JAG2: variants seen among roughly 807,000 people sequenced by gnomAD.
JAG2 encodes jagged canonical Notch ligand 2, also known as protein jagged-2.
JAG2 carries 46 observed loss-of-function variants against 141.7 expected under a neutral mutation model. The observed-to-expected ratio is 0.32, with a 90% CI of 0.26 to 0.42. The LOEUF (loss-of-function observed/expected upper bound fraction) is 0.42. Among genes scored for constraint, JAG2 ranks in the 10% least tolerant of loss-of-function variants. The probability of loss-of-function intolerance (pLI) is 1.00; values close to 1 mark genes in which losing one functional copy is unlikely to be tolerated. For synonymous variants in JAG2, 862 were observed against 763.5 expected (o/e 1.13, Z -2.13); for missense variants, 1,500 against 1,817.5 (o/e 0.83, Z 3.18).
intron 22 of JAG2, 24 bp downstream of exon 22, chr14:105,146,361 G>A (rs1373863994): frequency 1.1e-5 from 17 of 1,592,750 alleles, no homozygotes; most frequent in Non-Finnish European, 1.5e-5. Flanking sequence ...GGGTAGGGCA[G>A]GGCGGCTCAC....
At chr14:105,151,779 C>T (rs1352890486) in intron 7 of JAG2, 40 bp from the exon 8 acceptor site, 1 of 1,597,812 alleles carries the variant, frequency 6.3e-7, no homozygotes, top group Non-Finnish European at 8.6e-7. Context: ...GGCAGCCAGG[C>T]CCCCAGCTTT....
intron 2 of JAG2, among the ~76,000 whole-genome samples, chr14:105,166,644 C>A (rs1595192655): frequency 6.6e-6 from 1 of 152,326 alleles, no homozygotes; most frequent in African/African-American, 2.4e-5. Flanking sequence ...CCAGCCAGGG[C>A]TGCAAAGGTA....
intron 2 of JAG2, among the ~76,000 whole-genome samples, chr14:105,163,573 G>C (rs1043625303): frequency 1.4e-5 from 2 of 145,024 alleles, no homozygotes; most frequent in African/African-American, 5.5e-5. Flanking sequence ...TGGGGACAGG[G>C]ACTCCGCTCA....
intron 2 of JAG2, among the ~76,000 whole-genome samples, chr14:105,165,099 G>A (rs766103572): frequency 6.6e-6 from 1 of 152,194 alleles, no homozygotes; most frequent in Non-Finnish European, 1.5e-5. Context: ...CAGGCTCCTG[G>A]GCTCCTGGCT....
chr14:105,166,431 G>A (rs1383953312), intron 2 of JAG2, among the ~76,000 whole-genome samples: 1 of 152,256 alleles, frequency 6.6e-6, no homozygotes, highest in African/African-American at 2.4e-5. Context: ...GAGGGGCTGG[G>A]CTTCTCACAA....
rs139256088 is a variant in JAG2, at chr14:105,164,320, C to A, written c.417+3437G>T. Among the ~76,000 whole-genome samples the A allele has an allele frequency of 2.4e-4, 37 of 152,286 alleles. No individual in the cohort carries two copies. In the East Asian group the frequency reaches 6.6e-3, roughly 27 times the overall value. ...ACCCCCAATGTACAAGGCGGACATGCCCTGAGTTCTCCCCAGGGCTCTGGG... is the reference window on the plus strand; with the variant it reads ...ACCCCCAATGTACAAGGCGGACATGACCTGAGTTCTCCCCAGGGCTCTGGG... On this transcript the variant is annotated intron_variant, in intron 2 of 25. Coordinates refer to ENST00000331782, the MANE Select transcript of JAG2 (RefSeq NM_002226.5).
chr14:105,147,679 G>A (rs1429784310), intron 18 of JAG2, 93 bp downstream of exon 18: 1 of 1,095,206 alleles, frequency 9.1e-7, no homozygotes, highest in Non-Finnish European at 1.4e-6. Flanking sequence ...GCAGGGGGAG[G>A]GGCTGGCAGA....
intron 6 of JAG2, 52 bp from the exon 7 acceptor site, chr14:105,152,109 A>C: frequency 6.2e-7 from 1 of 1,613,330 alleles, no homozygotes; most frequent in Middle Eastern, 1.7e-4. Flanking sequence ...CCGCTCCCCC[A>C]CAACCCACAC....
chr14:105,167,027 G>A lies in JAG2; in HGVS notation c.417+730C>T, dbSNP rs1439084484. Reference sequence around the variant, plus strand: ...GAGTACCTGTTTCCCAGTGACACTGGACCCCTACCACCCCTCCTCCCAGCA... The same window carrying A: ...GAGTACCTGTTTCCCAGTGACACTGAACCCCTACCACCCCTCCTCCCAGCA... On this transcript the variant is annotated intron_variant, in intron 2 of 25. Coordinates refer to ENST00000331782, the MANE Select transcript of JAG2 (RefSeq NM_002226.5). The surrounding 1 kb of genome is among the most constrained non-coding windows in gnomAD (Gnocchi z 4.8). 1.3e-5 allele frequency among the ~76,000 whole-genome samples: 2 copies of A among 152,092 alleles called. No homozygotes were observed. Among genetic ancestry groups the A allele is most frequent in the Non-Finnish European group, 2.9e-5 (2 of 68,012 alleles).
rs1273454159 is a variant in JAG2 at position 105,152,856 on chromosome 14, G to A, written c.789-565C>T. ...GGCTGGCCTGGGCCAGCCCTGCCCAGGGTAGTTCCTGATTCTGCAGGAGCT... is the reference window on the plus strand; with the variant it reads ...GGCTGGCCTGGGCCAGCCCTGCCCAAGGTAGTTCCTGATTCTGCAGGAGCT... On this transcript the variant is annotated intron_variant, in intron 5 of 25. Transcript: ENST00000331782. Among the ~76,000 whole-genome samples the A allele has an allele frequency of 3.3e-5, 5 of 152,274 alleles. 1 individual carries two copies. The highest frequency in any genetic ancestry group is 2.6e-4 in the Admixed American group (4 of 15,312).
At chr14:105,149,415 AC>A (rs1845098301) in intron 12 of JAG2, 95 bp from the exon 13 acceptor site, 4 of 1,507,870 alleles carry the variant, frequency 2.7e-6, no homozygotes, top group South Asian at 2.3e-5. Context: ...ATCCCTGGGG[AC>A]CCCCAGGCCC....
At chr14:105,164,877 G>A (rs1467321003) in intron 2 of JAG2, among the ~76,000 whole-genome samples, 1 of 152,116 alleles carries the variant, frequency 6.6e-6, no homozygotes, top group Non-Finnish European at 1.5e-5. Flanking sequence ...CAGCCCTTCT[G>A]ATGGCCCAGG....
chr14:105,152,573 C>A (rs1377112375), intron 5 of JAG2, among the ~76,000 whole-genome samples: 1 of 152,160 alleles, frequency 6.6e-6, no homozygotes, highest in African/African-American at 2.4e-5. Context: ...CGAGAGCAGG[C>A]ACCAGGAAAG....
At chr14:105,162,725 C>T (rs1888790664) in intron 2 of JAG2, among the ~76,000 whole-genome samples, 1 of 44,742 alleles carries the variant, frequency 2.2e-5, no homozygotes, top group Admixed American at 1.9e-4. Flanking sequence ...CCAGGGCACC[C>T]TAGATCCAGT....
rs1306474189 is a variant in JAG2 at position 105,142,344 on chromosome 14, G to A, written c.*351C>T. ...CCTGGAGCCACAGAGAAACCCGAGT[G>A]AGGAATAAAAGGAAGATTCTGTAAA... On this transcript the variant is annotated 3_prime_UTR_variant, in exon 26 of 26. Coordinates refer to ENST00000331782, the MANE Select transcript of JAG2 (RefSeq NM_002226.5). 2 of 226,328 alleles carry A rather than the reference G, an allele frequency of 8.8e-6. No individual in the cohort carries two copies. The highest frequency in any genetic ancestry group is 1.1e-4 in the Admixed American group (2 of 18,034). 14.0% of individuals were successfully genotyped at this position (226,328 alleles called of 1,614,324 possible).
intron 2 of JAG2, among the ~76,000 whole-genome samples, chr14:105,161,607 G>A (rs587772883): frequency 6.6e-4 from 100 of 150,832 alleles, no homozygotes; most frequent in Admixed American, 1.3e-3. Context: ...TGGATGGCAG[G>A]AAGTCATCCA....
At chr14:105,157,952 C>A in intron 2 of JAG2, 189 bp from the exon 3 acceptor site, 1 of 661,630 alleles carries the variant, frequency 1.5e-6, no homozygotes. Context: ...AATGACCCAG[C>A]TCAAGGGAGG....
At chr14:105,148,499 CG>C in intron 15 of JAG2, 60 bp from the exon 16 acceptor site, 1 of 801,260 alleles carries the variant, frequency 1.2e-6, no homozygotes, top group South Asian at 1.8e-5. Flanking sequence ...GAGGGCTTCC[CG>C]GGGGAGGAAG....
rs1481516436 is a variant in JAG2, at chr14:105,167,902, C to G, written c.272G>C (p.Gly91Ala). 1 of 1,589,610 alleles carries G rather than the reference C, an allele frequency of 6.3e-7. No individual in the cohort carries two copies. Among genetic ancestry groups the G allele is most frequent in the East Asian group, 2.3e-5 (1 of 43,014 alleles). ...GCCCAGCACGGGCGTGGCGCCGTGG[C>G]CGTAGCTGCAGGGCCCCGTGGGCGT... ...KVTPTGPCSY[G>A]HGATPVLGGN... The change falls in exon 2 of 26, where the codon GGC becomes GCC. Residue 91 changes from glycine to alanine, a missense_variant. This residue lies in a region of JAG2 where 200 missense variants were observed against 174.3 expected (regional missense o/e 1.15). Transcript: ENST00000331782. The surrounding 1 kb of genome is among the most constrained non-coding windows in gnomAD (Gnocchi z 4.8).
Sources: allele counts gnomAD v4.1 joint callset (sites outside exome capture counted in the v4.1 genomes callset), GRCh38; gene constraint gnomAD v4.1.1; regional missense constraint gnomAD v4.1.1; non-coding constraint Gnocchi (gnomAD v3.1); transcripts MANE v1.5; gene names NCBI Gene and HGNC (gene_info 2026-07-23, HGNC 2026-07-21).